The following UGGT1 variants were observed in gnomAD, a reference collection of about 807,000 sequenced individuals.
UGGT1 encodes the protein UDP-glucose glycoprotein glucosyltransferase 1.
In UGGT1, 107 loss-of-function variants were observed where a neutral mutation model predicts 203.9. That is an observed-to-expected ratio of 0.52 (90% CI 0.45 to 0.62). The LOEUF is 0.62. Ranked by LOEUF, UGGT1 falls within the 20% of genes least tolerant of loss-of-function variation. The pLI, the probability that UGGT1 is intolerant of heterozygous loss-of-function variation, is 0.00. For missense variants in UGGT1, 1,673 were observed against 1,867.2 expected (o/e 0.90, Z 1.92); for synonymous variants, 628 against 653.5 (o/e 0.96, Z 0.59).
At chr2:128,102,379 G>C (rs1050837132) in intron 2 of UGGT1, among the ~76,000 whole-genome samples, 2 of 152,084 alleles carry the variant, frequency 1.3e-5, no homozygotes, top group Admixed American at 1.3e-4. Context: ...CCTGACCTCA[G>C]GTGGTCCACC....
intron 30 of UGGT1, 74 bp downstream of exon 30, chr2:128,174,013 T>G: frequency 2.6e-6 from 4 of 1,526,622 alleles, no homozygotes; most frequent in Non-Finnish European, 2.7e-6. Context: ...GATGGAGCAA[T>G]TAGCATTCTT....
At chr2:128,098,440 A>G (rs1437697783) in intron 2 of UGGT1, among the ~76,000 whole-genome samples, 1 of 152,238 alleles carries the variant, frequency 6.6e-6, no homozygotes, top group Admixed American at 6.5e-5. Flanking sequence ...ATGCCCATGC[A>G]GCTCAATCTT....
At chr2:128,178,103 C>T (rs1301652007) in intron 33 of UGGT1, among the ~76,000 whole-genome samples, 183 bp downstream of exon 33, 2 of 152,206 alleles carry the variant, frequency 1.3e-5, no homozygotes, top group African/African-American at 4.8e-5. Flanking sequence ...AAAAGAGGTT[C>T]ATGTCTCCTA....
chr2:128,097,514 A>C lies in UGGT1; in HGVS notation c.144A>C (p.Thr48=). 6.2e-7 allele frequency: 1 copy of C among 1,614,216 alleles called. No homozygotes were observed. The highest frequency in any genetic ancestry group is 8.5e-7 in the Non-Finnish European group (1 of 1,180,026). The change falls in exon 2 of 41, where the codon ACA becomes ACC. Residue 48 remains threonine, a synonymous_variant. Coordinates refer to ENST00000259253, the MANE Select transcript of UGGT1 (RefSeq NM_020120.4). The stretch of plus-strand genomic sequence containing the variant: ...TAAAGGCCGACTCAAAAGCCATTAC[A>C]ACCTCTCTTACAACAAAATGGTTTT... ...SSVKADSKAI[T]TSLTTKWFST...
At chr2:128,091,599 A>G (rs1686867715) in intron 1 of UGGT1, 184 bp downstream of exon 1, 1 of 1,436,662 alleles carries the variant, frequency 7.0e-7, no homozygotes, top group South Asian at 1.5e-5. Flanking sequence ...TTGGCAAGGT[A>G]TCGCTTCCGC....
chr2:128,115,990 A>G (rs1404600678), intron 7 of UGGT1, among the ~76,000 whole-genome samples: 4 of 152,126 alleles, frequency 2.6e-5, no homozygotes, highest in African/African-American at 9.7e-5. Context: ...AAATGTATTA[A>G]TTTTGAAGTT....
rs148407768 is a variant in UGGT1, at chr2:128,128,658, G to T, written c.1227-371G>T. 6.4e-4 allele frequency among the ~76,000 whole-genome samples: 98 copies of T among 152,286 alleles called. No individual in the cohort carries two copies. The East Asian group carries it at 8.5e-3, about 13-fold the overall frequency. ...CTCTCCCAGCAAACCTCTAAGTTGG[G>T]TGTGGATTCTTTCAGGCTTTTTTCT... On this transcript the variant is annotated intron_variant, in intron 12 of 40. Coordinates refer to ENST00000259253, the MANE Select transcript of UGGT1 (RefSeq NM_020120.4).
chr2:128,160,475 C>G lies in UGGT1; in HGVS notation c.2578C>G (p.Leu860Val), dbSNP rs1690471048. ...ACTTTCCTAGGGAATGGATTTCAGT[C>G]TTTTTAAAGAGGTCTTTGAGTCTTC... ...EFSVGGMDFS[L>V]FKEVFESSKM... is the part of the protein sequence containing the mutation. The change falls in exon 24 of 41, where the codon CTT (leucine) becomes GTT (valine). Residue 860 changes from leucine (L) to valine (V), a missense_variant. Transcript: ENST00000259253. 6.2e-7 allele frequency: 1 copy of G among 1,602,316 alleles called. No homozygotes were observed. Among genetic ancestry groups the G allele is most frequent in the Admixed American group, 1.8e-5 (1 of 56,298 alleles).
rs1300591389 is a variant in UGGT1 at position 128,129,175 on chromosome 2, T to A, written c.1373T>A (p.Ile458Asn). 6.2e-7 allele frequency: 1 copy of A among 1,607,304 alleles called. No individual in the cohort carries two copies. Among genetic ancestry groups the A allele is most frequent in the East Asian group, 2.2e-5 (1 of 44,786 alleles). ...DYAVDIRSPA[I>N]SWVNNLEVDS... Reference sequence around the variant, plus strand: ...GCCGTAGACATCCGGAGTCCTGCTATTTCAGTGAGTATTTTGTTAGGGTGA... The same window carrying A: ...GCCGTAGACATCCGGAGTCCTGCTAATTCAGTGAGTATTTTGTTAGGGTGA... The change falls in exon 13 of 41, where the codon ATT (isoleucine) becomes AAT (asparagine). Residue 458 changes from isoleucine (I) to asparagine (N), a missense_variant. Transcript: ENST00000259253.
chr2:128,152,751 C>G, intron 18 of UGGT1, 33 bp from the exon 19 acceptor site: 3 of 1,572,370 alleles, frequency 1.9e-6, no homozygotes, highest in Non-Finnish European at 1.7e-6. Context: ...TTGCTTTACC[C>G]TCCCCCCTCA....
chr2:128,148,061 T>C (rs1402849643), intron 18 of UGGT1, among the ~76,000 whole-genome samples: 1 of 152,204 alleles, frequency 6.6e-6, no homozygotes, highest in South Asian at 2.1e-4. Context: ...TTCTTTCTTT[T>C]ATTTTCTTTC....
chr2:128,168,929 C>T (rs576903902), intron 26 of UGGT1, among the ~76,000 whole-genome samples: 82 of 151,740 alleles, frequency 5.4e-4, no homozygotes, highest in African/African-American at 1.9e-3. Flanking sequence ...TGCCTGTAAT[C>T]CCAGCTACTT....
At chr2:128,108,155 A>G in intron 4 of UGGT1, 87 bp downstream of exon 4, 2 of 1,472,602 alleles carry the variant, frequency 1.4e-6, no homozygotes, top group South Asian at 1.4e-5. Context: ...ATTGAATTAC[A>G]GAGCTATTAT....
At chr2:128,173,635 T>C in intron 29 of UGGT1, 146 bp from the exon 30 acceptor site, 2 of 1,007,988 alleles carry the variant, frequency 2.0e-6, no homozygotes, top group Non-Finnish European at 2.9e-6. Flanking sequence ...TCTGTCATTA[T>C]ACTTTTGTCT....
chr2:128,186,602 A>T (rs1366779692), intron 38 of UGGT1, 81 bp from the exon 39 acceptor site: 2 of 1,173,058 alleles, frequency 1.7e-6, no homozygotes, highest in Non-Finnish European at 2.4e-6. Context: ...GTGGGACCCC[A>T]TCTCTCAATA....
chr2:128,100,182 G>A (rs1410004374), intron 2 of UGGT1, among the ~76,000 whole-genome samples: 2 of 150,702 alleles, frequency 1.3e-5, no homozygotes, highest in African/African-American at 2.4e-5. Flanking sequence ...GATTACCGGC[G>A]TGTGCCAGCA....
chr2:128,113,144 T>C lies in UGGT1; in HGVS notation c.582T>C (p.Pro194=), dbSNP rs757107561. 2 of 1,612,962 alleles carry C rather than the reference T, an allele frequency of 1.2e-6. No individual in the cohort carries two copies. Among genetic ancestry groups the C allele is most frequent in the South Asian group, 1.1e-5 (1 of 90,924 alleles). ...HRYPSSNPES[P]VVIFYSEIGS... is the part of the protein sequence containing the mutation. ...ATCCCTCGTCTAATCCTGAAAGCCC[T>C]GTGGTGATTTTCTACTCTGAGATTG... Residue 194 remains proline, a synonymous_variant, in exon 6 of 41, where the codon CCT becomes CCC. Coordinates refer to ENST00000259253, the MANE Select transcript of UGGT1 (RefSeq NM_020120.4).
chr2:128,155,635 G>A (rs369744397), intron 20 of UGGT1, 48 bp downstream of exon 20: 3 of 1,438,830 alleles, frequency 2.1e-6, no homozygotes, highest in Non-Finnish European at 2.9e-6. Context: ...TTTTTTGAAA[G>A]TATTTGCATA....
At chr2:128,113,336 C>A in intron 6 of UGGT1, 78 bp downstream of exon 6, 1 of 1,160,284 alleles carries the variant, frequency 8.6e-7, no homozygotes, top group South Asian at 2.4e-5. Flanking sequence ...TAATAATCTC[C>A]CTCTTTATAA....
Sources: gnomAD v4.1 joint callset for allele counts (sites outside exome capture counted in the v4.1 genomes callset) on GRCh38, gnomAD v4.1.1 for gene constraint, MANE v1.5 for transcripts, NCBI Gene and HGNC (gene_info 2026-07-23, HGNC 2026-07-21) for gene names.